DAB1: variants seen among roughly 807,000 people sequenced by gnomAD.
DAB1 encodes the protein disabled homolog 1.
DAB1 carries 15 observed loss-of-function variants against 64.6 expected under a neutral mutation model. The observed-to-expected ratio is 0.23, with a 90% CI of 0.16 to 0.36. DAB1 has a LOEUF of 0.36. Ranked by LOEUF, DAB1 falls within the 10% of genes least tolerant of loss-of-function variation. DAB1 has a pLI of 1.00. For synonymous variants in DAB1, 235 were observed against 251.9 expected (o/e 0.93, Z 0.64); for missense variants, 596 against 706.7 (o/e 0.84, Z 1.78).
intron 7 of DAB1, among the ~76,000 whole-genome samples, chr1:57,564,795 C>G (rs530048072): frequency 6.6e-6 from 1 of 152,118 alleles, no homozygotes; most frequent in Admixed American, 6.5e-5. Flanking sequence ...AATCTACGTC[C>G]AACTGGTGTA....
intron 5 of DAB1, among the ~76,000 whole-genome samples, chr1:58,116,209 C>T (rs890343887): frequency 6.6e-6 from 1 of 152,064 alleles, no homozygotes; most frequent in Non-Finnish European, 1.5e-5. Flanking sequence ...TAATACAATG[C>T]CTGGCACTGA....
chr1:57,748,442 G>A (rs993460092), intron 6 of DAB1, among the ~76,000 whole-genome samples: 3 of 152,012 alleles, frequency 2.0e-5, no homozygotes, highest in African/African-American at 4.8e-5. Context: ...TAGAGTGTTT[G>A]TGCATGTTAA....
intron 7 of DAB1, among the ~76,000 whole-genome samples, chr1:57,598,209 C>T (rs1645534117): frequency 6.6e-6 from 1 of 152,232 alleles, no homozygotes; most frequent in Non-Finnish European, 1.5e-5. Context: ...GTCTCGATCT[C>T]CTGACCTCGT....
At chr1:58,434,388 C>T (rs536868112) in intron 3 of DAB1, among the ~76,000 whole-genome samples, 3 of 138,570 alleles carry the variant, frequency 2.2e-5, no homozygotes, top group Non-Finnish European at 4.6e-5. Flanking sequence ...TTCCTGAGGG[C>T]GTGGATGTAG....
chr1:57,307,526 C>A (rs1466213440), intron 1 of DAB1, among the ~76,000 whole-genome samples: 1 of 152,082 alleles, frequency 6.6e-6, no homozygotes, highest in African/African-American at 2.4e-5. Flanking sequence ...GACCACACCT[C>A]CTTCTCCATC....
At chr1:58,037,973 T>G (rs1647072587) in intron 5 of DAB1, among the ~76,000 whole-genome samples, 1 of 152,188 alleles carries the variant, frequency 6.6e-6, no homozygotes, top group South Asian at 2.1e-4. Context: ...ACTCACTAAT[T>G]CAAGTCATAA....
chr1:57,320,431 C>A (rs1252609564), intron 1 of DAB1, among the ~76,000 whole-genome samples: 1 of 152,138 alleles, frequency 6.6e-6, no homozygotes, highest in African/African-American at 2.4e-5. Flanking sequence ...ACACTAACTT[C>A]TTGAATTTTG....
In DAB1 at chr1:58,128,924, TG is replaced by T. The variant is rs1252070813; in HGVS notation, n.387+21586del. ...GATATTGGTCTAAAATTCTCTTTTTTGGTTGTGTCTCTGCCCGGCTTTGGTA... is the reference window on the plus strand; with the variant it reads ...GATATTGGTCTAAAATTCTCTTTTTTGTTGTGTCTCTGCCCGGCTTTGGTA... On this transcript the variant is annotated intron_variant and non_coding_transcript_variant, in intron 5 of 20. Transcript: ENST00000485760. Among the ~76,000 whole-genome samples the T allele has an allele frequency of 4.0e-5, 6 of 148,278 alleles. No individual in the cohort carries two copies. The East Asian group carries it at 1.2e-3, about 30-fold the overall frequency.
intron 9 of DAB1, among the ~76,000 whole-genome samples, chr1:57,042,740 A>C (rs1647948503): frequency 6.6e-6 from 1 of 152,202 alleles, no homozygotes; most frequent in African/African-American, 2.4e-5. Context: ...ACTGAACAGA[A>C]AGAAACTTGG....
intron 7 of DAB1, among the ~76,000 whole-genome samples, chr1:57,644,542 T>C (rs947576496): frequency 1.4e-5 from 2 of 147,356 alleles, no homozygotes; most frequent in Admixed American, 1.4e-4. Context: ...TGCATGCACA[T>C]ATGTGTGTGT....
At chr1:58,243,856 G>A (rs1180856106) in intron 4 of DAB1, among the ~76,000 whole-genome samples, 1 of 152,022 alleles carries the variant, frequency 6.6e-6, no homozygotes, top group Admixed American at 6.5e-5. Flanking sequence ...ATAGTAGAAT[G>A]GAAGAAAAAC....
chr1:58,350,808 T>C (rs893449021), intron 3 of DAB1, among the ~76,000 whole-genome samples: 1 of 152,200 alleles, frequency 6.6e-6, no homozygotes, highest in Non-Finnish European at 1.5e-5. Flanking sequence ...TCTGTTCTAT[T>C]GGTCTATATA....
intron 1 of DAB1, among the ~76,000 whole-genome samples, chr1:57,319,784 G>A (rs928630587): frequency 4.6e-5 from 7 of 151,904 alleles, no homozygotes; most frequent in Middle Eastern, 3.2e-3. Flanking sequence ...TTGCTTTGTG[G>A]GAGTTCCTTC....
intron 7 of DAB1, among the ~76,000 whole-genome samples, chr1:57,439,075 G>A (rs1026130060): frequency 3.9e-5 from 6 of 152,098 alleles, no homozygotes; most frequent in East Asian, 1.9e-4. Flanking sequence ...AGAACTTACC[G>A]TTGTCTAACT....
intron 5 of DAB1, among the ~76,000 whole-genome samples, chr1:57,941,408 TA>T: frequency 6.6e-6 from 1 of 152,206 alleles, no homozygotes; most frequent in East Asian, 1.9e-4. Context: ...TTCTGTCTGT[TA>T]AAAAGGCATA....
upstream of DAB1, among the ~76,000 whole-genome samples, chr1:57,425,564 A>C (rs1685252646): frequency 6.6e-6 from 1 of 152,192 alleles, no homozygotes; most frequent in Admixed American, 6.5e-5. Flanking sequence ...ATTCCATAAT[A>C]ACAGCTTCCG....
chr1:58,111,661 A>G (rs975503124), intron 5 of DAB1, among the ~76,000 whole-genome samples: 16 of 152,098 alleles, frequency 1.1e-4, no homozygotes, highest in African/African-American at 3.1e-4. Flanking sequence ...TCCTGTTCTC[A>G]TATCACTGCG....
chr1:58,234,946 GA>G (rs1659950026), intron 4 of DAB1, among the ~76,000 whole-genome samples: 1 of 152,224 alleles, frequency 6.6e-6, no homozygotes, highest in Non-Finnish European at 1.5e-5. Flanking sequence ...CTGGTTGAAG[GA>G]AAAGTACAGG....
At chr1:57,730,959 G>C (rs1221029767) in intron 6 of DAB1, among the ~76,000 whole-genome samples, 1 of 152,150 alleles carries the variant, frequency 6.6e-6, no homozygotes, top group Non-Finnish European at 1.5e-5. Context: ...ATTTGATCCA[G>C]TCAGTCCAGT....
Sources: gnomAD v4.1 joint callset for allele counts (sites outside exome capture counted in the v4.1 genomes callset) on GRCh38, gnomAD v4.1.1 for gene constraint, MANE v1.5 for transcripts, NCBI Gene and HGNC (gene_info 2026-07-23, HGNC 2026-07-21) for gene names.